STX18: variants seen among roughly 807,000 people sequenced by gnomAD.
The protein encoded by STX18 is syntaxin 18, also known as syntaxin-18.
A neutral mutation model predicts 50.1 loss-of-function variants in STX18; 40 were observed. The ratio of observed to expected loss-of-function variants is 0.80; its 90% CI spans 0.62 to 1.04. The LOEUF (loss-of-function observed/expected upper bound fraction) is 1.04, where lower values mean the gene tolerates loss of function less well. Among genes scored for constraint, STX18 ranks in the 50% least tolerant of loss-of-function variants. The pLI is 0.00. For missense variants in STX18, 410 were observed against 415.8 expected (o/e 0.99, Z 0.12); for synonymous variants, 158 against 151.8 (o/e 1.04, Z -0.30).
At chr4:4,440,310 T>A (rs951936187) in intron 5 of STX18, among the ~76,000 whole-genome samples, 1 of 152,250 alleles carries the variant, frequency 6.6e-6, no homozygotes, top group Non-Finnish European at 1.5e-5. Context: ...TTTGTATGGA[T>A]AAATTTATTT....
At chr4:4,477,480 A>C (rs189842734) in intron 1 of STX18, among the ~76,000 whole-genome samples, 2 of 152,062 alleles carry the variant, frequency 1.3e-5, no homozygotes, top group African/African-American at 4.8e-5. Context: ...CTGGGACCTC[A>C]CTCCCAGTCA....
At chr4:4,423,821 C>T in intron 8 of STX18, 1 of 554,400 alleles carries the variant, frequency 1.8e-6, no homozygotes, top group Non-Finnish European at 3.2e-6. Flanking sequence ...GTCCACTCTA[C>T]CATGCCAACT....
rs1486144132 is a variant in STX18 at position 4,428,084 on chromosome 4, G to A, written c.703-2862C>T. Among the ~76,000 whole-genome samples the A allele has an allele frequency of 1.3e-5, 2 of 152,260 alleles. 1 individual carries two copies. Among genetic ancestry groups the A allele is most frequent in the Non-Finnish European group, 2.9e-5 (2 of 68,046 alleles). On this transcript the variant is annotated intron_variant, in intron 7 of 10. Coordinates refer to ENST00000306200, the MANE Select transcript of STX18 (RefSeq NM_016930.4). ...TCATGGCAAGGCTGCTGACAACACT[G>A]ACTTGTACCAGGTTTCAGTATGGCT... is the stretch of plus-strand genomic sequence containing the variant.
chr4:4,432,431 A>G (rs1477595058), intron 7 of STX18, among the ~76,000 whole-genome samples: 3 of 152,192 alleles, frequency 2.0e-5, no homozygotes, highest in East Asian at 3.9e-4. Flanking sequence ...AATCTCTTCC[A>G]TCCTGTGCAG....
intron 4 of STX18, 82 bp from the exon 5 acceptor site, chr4:4,457,339 T>A: frequency 1.3e-6 from 2 of 1,556,200 alleles, no homozygotes; most frequent in Non-Finnish European, 1.8e-6. Flanking sequence ...AATGAGATAC[T>A]ACAGTCTTCA....
At chr4:4,486,060 T>A (rs1468922635) in intron 1 of STX18, among the ~76,000 whole-genome samples, 1 of 152,228 alleles carries the variant, frequency 6.6e-6, no homozygotes, top group African/African-American at 2.4e-5. Flanking sequence ...GTTCTCTGAC[T>A]TTGGAGTCAC....
chr4:4,481,930 G>A (rs1728482688), intron 1 of STX18, among the ~76,000 whole-genome samples: 1 of 152,136 alleles, frequency 6.6e-6, no homozygotes, highest in Non-Finnish European at 1.5e-5. Context: ...TCTTTCAGCA[G>A]TTGTTGAGTA....
rs559551048 is a variant in STX18, at chr4:4,513,185, G to C, written c.168+28612C>G. ...CTCTTTAGGAAACCTCAGAAATTCG[G>C]TTCTATGTTAAGTAAAGAAGTACCT... On this transcript the variant is annotated intron_variant, in intron 1 of 10. Coordinates refer to ENST00000306200, the MANE Select transcript of STX18 (RefSeq NM_016930.4). Among the ~76,000 whole-genome samples, 13 of 152,270 alleles carry C rather than the reference G, an allele frequency of 8.5e-5. No homozygotes were observed. In the South Asian group the frequency reaches 2.7e-3, roughly 32 times the overall value.
At chr4:4,536,484 G>A (rs1045430957) in intron 1 of STX18, among the ~76,000 whole-genome samples, 2 of 152,334 alleles carry the variant, frequency 1.3e-5, no homozygotes, top group African/African-American at 4.8e-5. Context: ...GCCTCACGGA[G>A]GCAACATTTA....
chr4:4,431,179 A>AAAAG (rs893844124), intron 7 of STX18, among the ~76,000 whole-genome samples: 2 of 152,130 alleles, frequency 1.3e-5, no homozygotes, highest in African/African-American at 2.4e-5. Context: ...AGTGCATTAA[A>AAAAG]AAAGAAAGAA....
chr4:4,503,919 C>G (rs1024345365), intron 1 of STX18, among the ~76,000 whole-genome samples: 1 of 151,914 alleles, frequency 6.6e-6, no homozygotes, highest in Non-Finnish European at 1.5e-5. Flanking sequence ...ATATCCTTTG[C>G]AATTATTTAA....
intron 1 of STX18, chr4:4,507,393 T>TC: frequency 1.3e-6 from 1 of 756,722 alleles, no homozygotes; most frequent in Non-Finnish European, 2.5e-6. Flanking sequence ...CAATCTTTGT[T>TC]CCCGTTCCTC....
At chr4:4,461,694 G>A (rs1727386095) in intron 2 of STX18, among the ~76,000 whole-genome samples, 1 of 152,206 alleles carries the variant, frequency 6.6e-6, no homozygotes, top group African/African-American at 2.4e-5. Context: ...GGGAGAACTT[G>A]ATGAGAGACA....
chr4:4,474,398 C>G (rs1038661123), intron 1 of STX18, among the ~76,000 whole-genome samples: 1 of 152,192 alleles, frequency 6.6e-6, no homozygotes, highest in Admixed American at 6.5e-5. Context: ...ATAGTGGGTA[C>G]TGAATAATCC....
chr4:4,501,320 C>G (rs964621472), intron 1 of STX18, among the ~76,000 whole-genome samples: 1 of 152,198 alleles, frequency 6.6e-6, no homozygotes, highest in African/African-American at 2.4e-5. Context: ...GTTTGCCTCA[C>G]AGCACCCCTC....
chr4:4,500,464 C>T (rs1197019644), intron 1 of STX18, among the ~76,000 whole-genome samples: 1 of 151,950 alleles, frequency 6.6e-6, no homozygotes. Flanking sequence ...TATAAGTAAT[C>T]CAGAGAAATA....
chr4:4,507,167 G>T (rs542790269), intron 1 of STX18: 3 of 568,698 alleles, frequency 5.3e-6, no homozygotes, highest in Admixed American at 2.1e-5. Flanking sequence ...GTACAAGACG[G>T]CATGACACTC....
At chr4:4,513,607 AG>A (rs911993134) in intron 1 of STX18, among the ~76,000 whole-genome samples, 1 of 152,204 alleles carries the variant, frequency 6.6e-6, no homozygotes, top group African/African-American at 2.4e-5. Flanking sequence ...TGTTTTCAAA[AG>A]TAGATTATTT....
chr4:4,507,444 C>T (rs1009861921), intron 1 of STX18: 17 of 759,460 alleles, frequency 2.2e-5, no homozygotes, highest in African/African-American at 1.0e-4. Context: ...GGCTAGTATG[C>T]GAACTGGAGA....
Sources: gnomAD v4.1 joint callset for allele counts (sites outside exome capture counted in the v4.1 genomes callset) on GRCh38, gnomAD v4.1.1 for gene constraint, MANE v1.5 for transcripts, NCBI Gene and HGNC (gene_info 2026-07-23, HGNC 2026-07-21) for gene names.